Variants in DENND1A observed in about 807,000 individuals in gnomAD.
DENND1A encodes DENN domain-containing protein 1A.
DENND1A carries 51 observed loss-of-function variants against 113.7 expected under a neutral mutation model. The ratio of observed to expected loss-of-function variants is 0.45; its 90% CI spans 0.36 to 0.57. The LOEUF (loss-of-function observed/expected upper bound fraction) is 0.57, where lower values mean the gene tolerates loss of function less well. DENND1A is among the 20% of genes least tolerant of loss of function. DENND1A has a pLI of 0.00. For synonymous variants in DENND1A, 565 were observed against 570.8 expected (o/e 0.99, Z 0.14); for missense variants, 1,258 against 1,395.9 (o/e 0.90, Z 1.57).
chr9:123,589,669 A>C (rs1425570879), intron 11 of DENND1A, among the ~76,000 whole-genome samples: 16 of 151,632 alleles, frequency 1.1e-4, no homozygotes, highest in Admixed American at 7.2e-4. Flanking sequence ...AAAAAAAAAA[A>C]AAAACTGACA....
At chr9:123,671,257 T>A in intron 7 of DENND1A, 34 bp downstream of exon 7, 1 of 1,611,860 alleles carries the variant, frequency 6.2e-7, no homozygotes, top group Non-Finnish European at 8.5e-7. Context: ...ATGAAATGCG[T>A]TTTCAGTGAT....
At chr9:123,595,070 T>TCG (rs1306587354) in intron 11 of DENND1A, among the ~76,000 whole-genome samples, 3 of 151,882 alleles carry the variant, frequency 2.0e-5, no homozygotes, top group African/African-American at 7.3e-5. Context: ...GAGCCAAGAG[T>TCG]CGCTGATTTG....
chr9:123,415,608 C>T (rs2044662594), intron 19 of DENND1A, among the ~76,000 whole-genome samples: 1 of 152,230 alleles, frequency 6.6e-6, no homozygotes, highest in African/African-American at 2.4e-5. Context: ...ACTAGAACAT[C>T]TGATTGTGTG....
At chr9:123,811,547 C>G (rs1230313875) in intron 2 of DENND1A, among the ~76,000 whole-genome samples, 1 of 152,158 alleles carries the variant, frequency 6.6e-6, no homozygotes, top group Non-Finnish European at 1.5e-5. Flanking sequence ...ATCACAAGGT[C>G]AGGAGATCAA....
chr9:123,853,290 T>C (rs1460903848), intron 2 of DENND1A, among the ~76,000 whole-genome samples: 3 of 152,126 alleles, frequency 2.0e-5, no homozygotes, highest in Non-Finnish European at 2.9e-5. Context: ...TCAACTGTTG[T>C]ACAAAAGAAT....
chr9:123,511,676 G>A (rs570908770), intron 13 of DENND1A, among the ~76,000 whole-genome samples: 3 of 152,302 alleles, frequency 2.0e-5, no homozygotes, highest in African/African-American at 7.2e-5. Flanking sequence ...ATTGAAAAAC[G>A]TGACTGATGC....
chr9:123,560,794 G>T (rs946015264), intron 12 of DENND1A, among the ~76,000 whole-genome samples: 2 of 152,032 alleles, frequency 1.3e-5, no homozygotes, highest in East Asian at 1.9e-4. Flanking sequence ...AATTCCTTTG[G>T]AAGCAGTTTG....
intron 13 of DENND1A, among the ~76,000 whole-genome samples, chr9:123,465,095 C>T (rs992656303): frequency 2.7e-5 from 4 of 150,040 alleles, no homozygotes; most frequent in Non-Finnish European, 5.9e-5. Flanking sequence ...GCAGGAGAAT[C>T]GCTTGAACCC....
rs2042651269 is a variant in DENND1A, at chr9:123,387,910, C to G, written c.1632-52G>C. ...GAGAACAGGCAGTTAGGGGCGCCCT[C>G]AGAACTTCACGTGCAGGCGGGAAGC... On this transcript the variant is annotated intron_variant, in intron 21 of 23. Coordinates refer to ENST00000394215, the MANE Select transcript of DENND1A (RefSeq NM_001352964.2). 5.5e-6 allele frequency: 7 copies of G among 1,274,252 alleles called. No homozygotes were observed. In the Admixed American group the frequency reaches 1.6e-4, roughly 30 times the overall value. The allele number at this position is 1,274,252 out of a possible 1,614,324, so 78.9% of individuals were successfully genotyped here.
chr9:123,711,509 ATATG>A (rs2066609151), intron 5 of DENND1A, among the ~76,000 whole-genome samples: 1 of 79,720 alleles, frequency 1.3e-5, no homozygotes, highest in African/African-American at 7.9e-5. Flanking sequence ...ATATATGTAT[ATATG>A]TATATATATA....
At chr9:123,766,372 C>T (rs1351728674) in intron 4 of DENND1A, among the ~76,000 whole-genome samples, 1 of 152,100 alleles carries the variant, frequency 6.6e-6, no homozygotes, top group African/African-American at 2.4e-5. Flanking sequence ...AGACCATTTC[C>T]GTTATCCCCC....
At chr9:123,546,359 T>C (rs887528724) in intron 13 of DENND1A, among the ~76,000 whole-genome samples, 6 of 151,656 alleles carry the variant, frequency 4.0e-5, no homozygotes, top group East Asian at 1.9e-4. Context: ...CCATCCTGGC[T>C]AACACAGTGA....
chr9:123,517,601 AG>A (rs1168141098), intron 13 of DENND1A, among the ~76,000 whole-genome samples: 3 of 152,224 alleles, frequency 2.0e-5, no homozygotes, highest in African/African-American at 7.2e-5. Context: ...CCTGGGCAAC[AG>A]AGCAAGACCC....
At chr9:123,928,898 G>A in intron 1 of DENND1A, 2 of 985,440 alleles carry the variant, frequency 2.0e-6, no homozygotes, top group Non-Finnish European at 2.4e-6. Context: ...TTACAGAAAA[G>A]CCTATGCTGT....
At chr9:123,813,057 C>T (rs778211956) in intron 2 of DENND1A, among the ~76,000 whole-genome samples, 2 of 152,264 alleles carry the variant, frequency 1.3e-5, no homozygotes, top group Non-Finnish European at 2.9e-5. Context: ...TCAAGGGATC[C>T]TCCCACCTCA....
chr9:123,724,738 C>T (rs1443468529), intron 5 of DENND1A, among the ~76,000 whole-genome samples: 4 of 152,118 alleles, frequency 2.6e-5, no homozygotes, highest in Admixed American at 6.5e-5. Flanking sequence ...AGAAGCAACT[C>T]GCCTTTCTTA....
In DENND1A at chr9:123,879,038, T is replaced by A. The variant is rs748169204; in HGVS notation, c.18-17A>T. ...GGATTCTGCCTACAAAAGAAACAGA[T>A]CATGATTACTGACAAAGATTGAGGC... On this transcript the variant is annotated splice_polypyrimidine_tract_variant and intron_variant, in intron 1 of 23. Coordinates refer to ENST00000394215, the MANE Select transcript of DENND1A (RefSeq NM_001352964.2). 6.2e-7 allele frequency: 1 copy of A among 1,613,120 alleles called. No homozygotes were observed. Among genetic ancestry groups the A allele is most frequent in the Admixed American group, 1.7e-5 (1 of 60,000 alleles).
intron 9 of DENND1A, among the ~76,000 whole-genome samples, chr9:123,637,929 ACACG>A (rs1224323650): frequency 1.1e-5 from 1 of 88,088 alleles, no homozygotes; most frequent in Non-Finnish European, 2.2e-5. Context: ...ACACACACAC[ACACG>A]CACACACACA....
At chr9:123,810,681 C>T (rs374758942) in intron 2 of DENND1A, among the ~76,000 whole-genome samples, 1 of 151,102 alleles carries the variant, frequency 6.6e-6, no homozygotes, top group East Asian at 1.9e-4. Flanking sequence ...GGGCCACATA[C>T]AGCCCCAGGC....
Sources: gnomAD v4.1 joint callset for allele counts (sites outside exome capture counted in the v4.1 genomes callset) on GRCh38, gnomAD v4.1.1 for gene constraint, MANE v1.5 for transcripts, NCBI Gene and HGNC (gene_info 2026-07-23, HGNC 2026-07-21) for gene names.